The following TBC1D5 variants were observed in gnomAD, a reference collection of about 807,000 sequenced individuals.
The protein encoded by TBC1D5 is TBC1 domain family, member 5.
TBC1D5 carries 75 observed loss-of-function variants against 100.3 expected under a neutral mutation model. The observed-to-expected ratio is 0.75, with a 90% CI of 0.62 to 0.91. The LOEUF is 0.91. Among genes scored for constraint, TBC1D5 ranks in the 40% least tolerant of loss-of-function variants. TBC1D5 has a pLI of 0.00. For missense variants in TBC1D5, 910 were observed against 942.4 expected, an observed-to-expected ratio of 0.97 and a Z score of 0.45; for synonymous variants, 323 against 325.6, an observed-to-expected ratio of 0.99 and a Z score of 0.09.
At chr3:17,378,856 C>T (rs2092815188) in intron 9 of TBC1D5, among the ~76,000 whole-genome samples, 1 of 150,916 alleles carries the variant, frequency 6.6e-6, no homozygotes, top group South Asian at 2.1e-4. Context: ...AAAAGAATTA[C>T]ACCAATTTAC....
chr3:17,526,210 T>TATTC (rs2096132686), intron 2 of TBC1D5, among the ~76,000 whole-genome samples: 1 of 151,752 alleles, frequency 6.6e-6, no homozygotes, highest in East Asian at 1.9e-4. Flanking sequence ...AGAATCAATT[T>TATTC]ATTCATTTAT....
chr3:17,316,637 C>G (rs1444113096), intron 13 of TBC1D5, among the ~76,000 whole-genome samples: 1 of 152,218 alleles, frequency 6.6e-6, no homozygotes, highest in African/African-American at 2.4e-5. Context: ...TTTAAAAGAA[C>G]AGCATATTTC....
intron 2 of TBC1D5, among the ~76,000 whole-genome samples, chr3:17,589,686 C>T (rs1437913323): frequency 6.6e-6 from 1 of 152,170 alleles, no homozygotes; most frequent in Non-Finnish European, 1.5e-5. Flanking sequence ...CAGACTAACA[C>T]ATTTTAGAAT....
intron 15 of TBC1D5, among the ~76,000 whole-genome samples, chr3:17,284,556 G>C (rs2080976998): frequency 6.6e-6 from 1 of 152,034 alleles, no homozygotes; most frequent in Admixed American, 6.6e-5. Context: ...CTGGTGCACA[G>C]AAGATACACA....
At chr3:17,714,944 C>A (rs1435025876) in intron 1 of TBC1D5, among the ~76,000 whole-genome samples, 1 of 152,148 alleles carries the variant, frequency 6.6e-6, no homozygotes, top group Non-Finnish European at 1.5e-5. Flanking sequence ...CTATGCAAGA[C>A]ACAGTAGAAA....
At chr3:17,623,806 T>G (rs1037147965) in intron 2 of TBC1D5, 43 bp downstream of exon 2, 2 of 152,200 alleles carry the variant, frequency 1.3e-5, no homozygotes, top group African/African-American at 4.8e-5. Context: ...GTGTTGGGCA[T>G]ACATGACAGC....
chr3:17,162,423 C>A (rs2066154369), intron 21 of TBC1D5, among the ~76,000 whole-genome samples: 1 of 152,224 alleles, frequency 6.6e-6, no homozygotes, highest in African/African-American at 2.4e-5. Flanking sequence ...ATGTCCTCCT[C>A]AGTGATGTAG....
At chr3:17,532,557 T>C (rs1270159293) in intron 2 of TBC1D5, among the ~76,000 whole-genome samples, 1 of 152,192 alleles carries the variant, frequency 6.6e-6, no homozygotes, top group African/African-American at 2.4e-5. Flanking sequence ...TGTGGCACTA[T>C]TCACAATAGC....
At chr3:17,215,781 G>A (rs1374839174) in intron 17 of TBC1D5, among the ~76,000 whole-genome samples, 1 of 152,134 alleles carries the variant, frequency 6.6e-6, no homozygotes, top group Non-Finnish European at 1.5e-5. Context: ...GCAGCCAGAA[G>A]TAGGAAGAAA....
intron 3 of TBC1D5, among the ~76,000 whole-genome samples, chr3:17,441,233 C>A (rs1260387097): frequency 2.0e-5 from 3 of 152,064 alleles, no homozygotes; most frequent in Admixed American, 6.6e-5. Flanking sequence ...TAATTCCAGT[C>A]CTAGGAACTA....
intron 17 of TBC1D5, among the ~76,000 whole-genome samples, chr3:17,230,133 T>C (rs575306410): frequency 4.6e-4 from 70 of 152,212 alleles, no homozygotes; most frequent in African/African-American, 1.6e-3. Context: ...ATGAGGACCA[T>C]TTTTTGTTTT....
At chr3:17,255,985 G>A (rs1350506355) in intron 16 of TBC1D5, among the ~76,000 whole-genome samples, 1 of 152,178 alleles carries the variant, frequency 6.6e-6, no homozygotes, top group African/African-American at 2.4e-5. Context: ...GCAGTAAGCC[G>A]AGATTGCGCC....
intron 2 of TBC1D5, among the ~76,000 whole-genome samples, chr3:17,591,357 G>A (rs1455915272): frequency 6.7e-6 from 1 of 149,762 alleles, no homozygotes; most frequent in African/African-American, 2.5e-5. Context: ...AGCAAGGCCA[G>A]GTCCCTTTGA....
At chr3:17,370,871 A>C (rs574207778) in intron 13 of TBC1D5, among the ~76,000 whole-genome samples, 2 of 152,284 alleles carry the variant, frequency 1.3e-5, no homozygotes, top group South Asian at 4.1e-4. Context: ...AAATTGCCTC[A>C]ATTTTGCATG....
chr3:17,683,099 A>G (rs949027888), intron 1 of TBC1D5, among the ~76,000 whole-genome samples: 3 of 151,584 alleles, frequency 2.0e-5, no homozygotes, highest in Non-Finnish European at 2.9e-5. Context: ...AATTACATCT[A>G]AAAGTTTAGA....
At chr3:17,158,147 T>C (rs1429613353) in exon 22 of TBC1D5, 2 of 152,226 alleles carry the variant, frequency 1.3e-5, no homozygotes, top group Non-Finnish European at 2.9e-5. Context: ...TCTGTAACTC[T>C]CACACGTAAT....
intron 1 of TBC1D5, among the ~76,000 whole-genome samples, chr3:17,710,823 G>T (rs1281064603): frequency 6.6e-6 from 1 of 151,888 alleles, no homozygotes; most frequent in Non-Finnish European, 1.5e-5. Context: ...TCGGCCTCCT[G>T]AGTAGCTAGG....
intron 17 of TBC1D5, among the ~76,000 whole-genome samples, chr3:17,233,000 A>C (rs1356185755): frequency 6.6e-6 from 1 of 152,204 alleles, no homozygotes; most frequent in South Asian, 2.1e-4. Flanking sequence ...AAAAGACTGC[A>C]TAATAAAAGA....
At chr3:17,563,819 G>T (rs1215026506) in intron 2 of TBC1D5, among the ~76,000 whole-genome samples, 1 of 152,156 alleles carries the variant, frequency 6.6e-6, no homozygotes, top group African/African-American at 2.4e-5. Flanking sequence ...GTCTCCCTCT[G>T]TTGCCCAGGC....
Sources: allele counts gnomAD v4.1 joint callset (sites outside exome capture counted in the v4.1 genomes callset), GRCh38; gene constraint gnomAD v4.1.1; transcripts MANE v1.5; gene names NCBI Gene and HGNC (gene_info 2026-07-23, HGNC 2026-07-21).